Variants in SCUBE1 observed in about 807,000 individuals in gnomAD.
SCUBE1 encodes the protein signal peptide, CUB domain and EGF like domain containing 1, also known as signal peptide, CUB and EGF-like domain-containing protein 1.
In SCUBE1, 59 loss-of-function variants were observed where a neutral mutation model predicts 124.4. The ratio of observed to expected loss-of-function variants is 0.47; its 90% CI spans 0.38 to 0.59. The LOEUF (loss-of-function observed/expected upper bound fraction) is 0.59, where lower values mean the gene tolerates loss of function less well. Among genes scored for constraint, SCUBE1 ranks in the 20% least tolerant of loss-of-function variants. The pLI is 0.00. For synonymous variants in SCUBE1, 545 were observed against 550.9 expected (o/e 0.99, Z 0.15); for missense variants, 1,150 against 1,371.2 (o/e 0.84, Z 2.55).
At position 43,227,408 on chromosome 22, in the gene SCUBE1, C is replaced by T. The variant is rs752833715; in HGVS notation, c.1173G>A (p.Gly391=). 7 of 1,611,690 alleles carry T rather than the reference C, an allele frequency of 4.3e-6. No homozygotes were observed. The highest frequency in any genetic ancestry group is 5.9e-6 in the Non-Finnish European group (7 of 1,179,406). Residue 391 remains glycine, a synonymous_variant, in exon 10 of 22, where the codon GGG becomes GGA. Coordinates refer to ENST00000360835, the MANE Select transcript of SCUBE1 (RefSeq NM_173050.5). Reference sequence around the variant, plus strand: ...CCTTCCCGTTCCAGTGGAGCCGCCTCCCCGGGGGACAGACGCACTCGTAGC... The same window carrying T: ...CCTTCCCGTTCCAGTGGAGCCGCCTTCCCGGGGGACAGACGCACTCGTAGC... ...KGSYECVCPP[G]RRLHWNGKDC...
intron 21 of SCUBE1, among the ~76,000 whole-genome samples, chr22:43,205,753 TCACC>T (rs1246956984): frequency 4.4e-5 from 1 of 22,816 alleles, no homozygotes; most frequent in Non-Finnish European, 7.3e-5. Flanking sequence ...CACTCACCAC[TCACC>T]CACACACACA....
At chr22:43,240,329 C>T (rs987431920) in intron 6 of SCUBE1, among the ~76,000 whole-genome samples, 4 of 152,210 alleles carry the variant, frequency 2.6e-5, no homozygotes, top group African/African-American at 9.7e-5. Flanking sequence ...GTCTTTTGCC[C>T]TCCCATCTCC....
Position 43,203,821 on chromosome 22 carries a change from A to T in SCUBE1, c.*176T>A. ...GCTTCCTGAAGCAGGGTGCTCCCACAGGGGCAGCGGGTCCGAAGGGTGCCT... is the reference window on the plus strand; with the variant it reads ...GCTTCCTGAAGCAGGGTGCTCCCACTGGGGCAGCGGGTCCGAAGGGTGCCT... On this transcript the variant is annotated 3_prime_UTR_variant, in exon 22 of 22. Transcript: ENST00000360835. 1 of 612,426 alleles carries T rather than the reference A, an allele frequency of 1.6e-6. No individual in the cohort carries two copies. The allele number at this position is 612,426 out of a possible 1,614,324, so 37.9% of individuals were successfully genotyped here.
At chr22:43,316,203 C>A (rs1023644505) in intron 3 of SCUBE1, among the ~76,000 whole-genome samples, 1 of 152,160 alleles carries the variant, frequency 6.6e-6, no homozygotes, top group Non-Finnish European at 1.5e-5. Context: ...AGGGACTATG[C>A]CTTCCATTTT....
At chr22:43,206,571 C>T (rs1016992912) in intron 21 of SCUBE1, among the ~76,000 whole-genome samples, 1 of 152,010 alleles carries the variant, frequency 6.6e-6, no homozygotes, top group African/African-American at 2.4e-5. Context: ...GTGCCCAGGT[C>T]AGGGGGTCCG....
chr22:43,231,780 G>C lies in SCUBE1; in HGVS notation c.940C>G (p.Leu314Val). Residue 314 changes from leucine (L) to valine (V), a missense_variant, in exon 8 of 22, where the codon CTG (leucine) becomes GTG (valine). Physicochemically the swap from Leu to Val is conservative, Grantham distance 32. This residue lies in a region of SCUBE1 where 337 missense variants were observed against 482.1 expected (regional missense o/e 0.70). Coordinates refer to ENST00000360835, the MANE Select transcript of SCUBE1 (RefSeq NM_173050.5). ...FECGCRKGYK[L>V]LTDERTCQDI... ...TGGCAGGTGCGCTCGTCGGTGAGCAGCTTGTAGCCCTTCCGGCAGCCGCAC... is the reference window on the plus strand; with the variant it reads ...TGGCAGGTGCGCTCGTCGGTGAGCACCTTGTAGCCCTTCCGGCAGCCGCAC... The C allele has an allele frequency of 6.2e-7, 1 of 1,607,230 alleles. No homozygotes were observed. The highest frequency in any genetic ancestry group is 1.1e-5 in the South Asian group (1 of 90,194).
At chr22:43,291,305 AG>A in intron 3 of SCUBE1, 125 bp from the exon 4 acceptor site, 1 of 1,044,000 alleles carries the variant, frequency 9.6e-7, no homozygotes, top group Non-Finnish European at 1.4e-6. Context: ...GACTCCAGAG[AG>A]GGCCTCCCTG....
At position 43,325,176 on chromosome 22, in the gene SCUBE1, G is replaced by C. The variant is rs991080478; in HGVS notation, c.221-5111C>G. On this transcript the variant is annotated intron_variant, in intron 2 of 21. Transcript: ENST00000360835. ...GAGGCTGAGGCTCAGGATCGCTGAG[G>C]ACCTTGTCTTCAGGCCCCCAGCCAG... Among the ~76,000 whole-genome samples, 31 of 152,068 alleles carry C rather than the reference G, an allele frequency of 2.0e-4. 1 individual carries two copies. The highest frequency in any genetic ancestry group is 7.5e-4 in the African/African-American group (31 of 41,454).
At chr22:43,289,633 G>C (rs1925279455) in intron 4 of SCUBE1, among the ~76,000 whole-genome samples, 1 of 152,224 alleles carries the variant, frequency 6.6e-6, no homozygotes, top group African/African-American at 2.4e-5. Context: ...GCCTGGGCTG[G>C]CAGACTCACA....
chr22:43,326,239 C>A (rs146069629), intron 2 of SCUBE1, among the ~76,000 whole-genome samples: 1 of 152,180 alleles, frequency 6.6e-6, no homozygotes, highest in Non-Finnish European at 1.5e-5. Context: ...GGAGACCAAA[C>A]GCTCTAACAA....
chr22:43,295,165 G>T (rs1300069309), intron 3 of SCUBE1, among the ~76,000 whole-genome samples: 11 of 152,168 alleles, frequency 7.2e-5, no homozygotes. Context: ...GTTCCCAGGT[G>T]CTGATGCTTA....
rs1924854791 is a variant in SCUBE1, at chr22:43,281,453, T to TCCCTCTTTGGCCACCCTCCTGTCAC, written c.484+9592_484+9593insGTGACAGGAGGGTGGCCAAAGAGGG. Among the ~76,000 whole-genome samples, 9 of 41,162 alleles carry TCCCTCTTTGGCCACCCTCCTGTCAC rather than the reference T, an allele frequency of 2.2e-4. 1 individual carries two copies. The highest frequency in any genetic ancestry group is 2.2e-3 in the African/African-American group (7 of 3,248). 27.0% of individuals were successfully genotyped at this position (41,162 alleles called of 152,430 possible). Reference sequence around the variant, plus strand: ...ACCTCCCTTGGCCACCCTCCTGTCATCTCCCTCAGCCACCCTCCTGTCACC... The same window carrying TCCCTCTTTGGCCACCCTCCTGTCAC: ...ACCTCCCTTGGCCACCCTCCTGTCATCCCTCTTTGGCCACCCTCCTGTCACCTCCCTCAGCCACCCTCCTGTCACC... On this transcript the variant is annotated intron_variant, in intron 4 of 21. Coordinates refer to ENST00000360835, the MANE Select transcript of SCUBE1 (RefSeq NM_173050.5).
At chr22:43,267,798 G>T (rs1433350391) in intron 4 of SCUBE1, among the ~76,000 whole-genome samples, 1 of 152,210 alleles carries the variant, frequency 6.6e-6, no homozygotes, top group Non-Finnish European at 1.5e-5. Flanking sequence ...CTCCCAGAGG[G>T]GCCATCTGAG....
In SCUBE1 at chr22:43,214,111, G is replaced by C. The variant is rs373899025; in HGVS notation, c.2032C>G (p.Arg678Gly). Residue 678 changes from arginine to glycine, a missense_variant, in exon 16 of 22, where the codon CGC (arginine) becomes GGC (glycine). Physicochemically the swap from Arg to Gly is moderately radical, Grantham distance 125. Transcript: ENST00000360835. ...TTGCCTCCACATTCCGACACGTTGC[G>C]GGCACCAGGCAGACCAAGCCCGTCG... ...SSDGLGLPGA[R>G]NVSECGGQCS... 3 of 1,603,574 alleles carry C rather than the reference G, an allele frequency of 1.9e-6. No homozygotes were observed. Among genetic ancestry groups the C allele is most frequent in the East Asian group, 2.3e-5 (1 of 44,312 alleles).
chr22:43,238,373 T>G, intron 7 of SCUBE1: 1 of 314,786 alleles, frequency 3.2e-6, no homozygotes, highest in Middle Eastern at 8.8e-4. Context: ...CTGGCATGAG[T>G]AGACCTGTGT....
intron 4 of SCUBE1, among the ~76,000 whole-genome samples, 186 bp downstream of exon 4, chr22:43,290,860 A>G (rs996748605): frequency 6.6e-6 from 1 of 152,226 alleles, no homozygotes; most frequent in African/African-American, 2.4e-5. Context: ...TGTAGCAGGT[A>G]GAGGGAAGGA....
chr22:43,231,653 C>T (rs542260708), intron 8 of SCUBE1, 100 bp downstream of exon 8: 18 of 1,436,978 alleles, frequency 1.3e-5, no homozygotes, highest in East Asian at 5.0e-5. Context: ...CAGCCCCATC[C>T]GCATTCCCCT....
chr22:43,303,621 G>A (rs1322025940), intron 3 of SCUBE1, among the ~76,000 whole-genome samples: 12 of 152,226 alleles, frequency 7.9e-5, no homozygotes, highest in African/African-American at 2.4e-4. Context: ...TGGCACGCTC[G>A]CAGGCCTCCC....
chr22:43,338,957 G>T (rs1240445607), intron 2 of SCUBE1, 147 bp downstream of exon 2: 4 of 917,088 alleles, frequency 4.4e-6, no homozygotes, highest in South Asian at 3.2e-5. Flanking sequence ...CCTCCCTCCT[G>T]AGGCTGAGAG....
Sources: allele counts gnomAD v4.1 joint callset (sites outside exome capture counted in the v4.1 genomes callset), GRCh38; gene constraint gnomAD v4.1.1; regional missense constraint gnomAD v4.1.1; transcripts MANE v1.5; gene names NCBI Gene and HGNC (gene_info 2026-07-23, HGNC 2026-07-21).